The following TRMT11 variants were observed in gnomAD, a reference collection of about 807,000 sequenced individuals.
TRMT11 encodes the protein tRNA methyltransferase 11.
TRMT11 carries 53 observed loss-of-function variants against 62.8 expected under a neutral mutation model. The ratio of observed to expected loss-of-function variants is 0.84; its 90% CI spans 0.68 to 1.06. The LOEUF (loss-of-function observed/expected upper bound fraction) is 1.06. TRMT11 is among the 50% of genes least tolerant of loss of function. The probability of loss-of-function intolerance (pLI) is 0.00; values close to 1 mark genes in which losing one functional copy is unlikely to be tolerated. For missense variants in TRMT11, 556 were observed against 553.4 expected (o/e 1.00, Z -0.05); for synonymous variants, 188 against 190.3 (o/e 0.99, Z 0.10).
chr6:125,993,065 G>A (rs1264798346), intron 1 of TRMT11, among the ~76,000 whole-genome samples: 1 of 152,076 alleles, frequency 6.6e-6, no homozygotes, highest in African/African-American at 2.4e-5. Context: ...GCCAGCAGTG[G>A]AACACTTACC....
intron 12 of TRMT11, 130 bp downstream of exon 12, chr6:126,021,410 A>C (rs1795791521): frequency 8.9e-7 from 1 of 1,127,050 alleles, no homozygotes; most frequent in Non-Finnish European, 1.2e-6. Flanking sequence ...TCAATTTAGG[A>C]AGAGGCAGAA....
intron 21 of TRMT11, among the ~76,000 whole-genome samples, chr6:126,149,222 A>G (rs1026794772): frequency 5.4e-4 from 82 of 152,348 alleles, no homozygotes; most frequent in East Asian, 7.7e-4. Context: ...ACGGCTGGCT[A>G]AGCAGTTGCA....
intron 17 of TRMT11, among the ~76,000 whole-genome samples, chr6:126,056,873 G>A (rs941805026): frequency 5.9e-5 from 9 of 152,166 alleles, no homozygotes; most frequent in Non-Finnish European, 1.0e-4. Flanking sequence ...CGGTGATAAC[G>A]TGGCTTTCAC....
intron 17 of TRMT11, among the ~76,000 whole-genome samples, chr6:126,092,914 C>A (rs1777293759): frequency 6.6e-6 from 1 of 152,154 alleles, no homozygotes. Context: ...TTGATGGAGA[C>A]AAATGACACA....
intron 1 of TRMT11, among the ~76,000 whole-genome samples, chr6:126,196,165 G>T (rs1778664476): frequency 6.6e-6 from 1 of 152,134 alleles, no homozygotes; most frequent in Non-Finnish European, 1.5e-5. Context: ...AAACTATCCA[G>T]GTGGTAAATA....
chr6:126,040,579 C>G (rs753510924), downstream of TRMT11, among the ~76,000 whole-genome samples: 2 of 152,034 alleles, frequency 1.3e-5, no homozygotes, highest in Admixed American at 6.6e-5. Flanking sequence ...CAGGATTGCT[C>G]TGGTTTTCTA....
At chr6:126,109,729 A>C (rs991148537) in intron 17 of TRMT11, among the ~76,000 whole-genome samples, 1 of 152,210 alleles carries the variant, frequency 6.6e-6, no homozygotes, top group African/African-American at 2.4e-5. Flanking sequence ...GGTGCCTGGC[A>C]CATACATTTA....
At chr6:126,200,879 ACTCAT>A (rs1170958852) in intron 3 of TRMT11, among the ~76,000 whole-genome samples, 1 of 152,136 alleles carries the variant, frequency 6.6e-6, no homozygotes, top group African/African-American at 2.4e-5. Context: ...ATAAAGGCTG[ACTCAT>A]CATTGGCCTG....
At chr6:126,110,852 G>GAC (rs1391191000) in intron 17 of TRMT11, among the ~76,000 whole-genome samples, 2 of 152,128 alleles carry the variant, frequency 1.3e-5, no homozygotes, top group African/African-American at 4.8e-5. Flanking sequence ...CCCCTGGACA[G>GAC]ACCCTGGAAC....
chr6:126,229,593 C>T, the TRMT11 span, among the ~76,000 whole-genome samples: 2 of 152,162 alleles, frequency 1.3e-5, no homozygotes, highest in East Asian at 3.8e-4. Context: ...CCTTGAAGTA[C>T]AAAAGATTTT....
At chr6:126,070,811 G>C (rs1776829225) in intron 17 of TRMT11, among the ~76,000 whole-genome samples, 1 of 152,186 alleles carries the variant, frequency 6.6e-6, no homozygotes, top group Admixed American at 6.5e-5. Context: ...GTCAGTAGTA[G>C]TATTCACCAT....
In TRMT11 at chr6:126,130,386, C is replaced by A. The variant is rs184496538; in HGVS notation, c.*1823+14531C>A. On this transcript the variant is annotated intron_variant and NMD_transcript_variant, in intron 21 of 22. Transcript: ENST00000648977. ...TTTTATATATGTAATATCGTTTAAT[C>A]CTTCATCACTATTATTTGATTTAAT... 1.4e-4 allele frequency among the ~76,000 whole-genome samples: 22 copies of A among 152,092 alleles called. No homozygotes were observed. In the East Asian group the frequency reaches 4.3e-3, roughly 29 times the overall value.
intron 17 of TRMT11, among the ~76,000 whole-genome samples, chr6:126,074,008 AG>A (rs1320637297): frequency 6.6e-6 from 1 of 152,140 alleles, no homozygotes; most frequent in Non-Finnish European, 1.5e-5. Context: ...GAACAGCATG[AG>A]GGTAACTGCC....
At chr6:126,184,674 T>C (rs1256392064) in intron 1 of TRMT11, among the ~76,000 whole-genome samples, 4 of 152,258 alleles carry the variant, frequency 2.6e-5, no homozygotes, top group Non-Finnish European at 4.4e-5. Context: ...TCAGACCTTC[T>C]TGGGCTCCCT....
At chr6:126,075,386 G>C (rs1178000429) in intron 17 of TRMT11, among the ~76,000 whole-genome samples, 1 of 152,028 alleles carries the variant, frequency 6.6e-6, no homozygotes. Context: ...GGTGGGAGGT[G>C]ATTGGATCAT....
At chr6:126,104,677 T>C (rs1283205283) in intron 17 of TRMT11, among the ~76,000 whole-genome samples, 3 of 152,236 alleles carry the variant, frequency 2.0e-5, no homozygotes, top group Non-Finnish European at 2.9e-5. Context: ...TAGGTCAAAT[T>C]TGCAGGAAGC....
rs1777982350 is a variant in TRMT11, at chr6:126,147,029, T to G, written c.*1824-27796T>G. 4.8e-5 allele frequency among the ~76,000 whole-genome samples: 2 copies of G among 41,892 alleles called. 1 individual carries two copies. Among genetic ancestry groups the G allele is most frequent in the African/African-American group, 2.2e-4 (2 of 8,934 alleles). 27.5% of individuals were successfully genotyped at this position (41,892 alleles called of 152,430 possible). On this transcript the variant is annotated intron_variant and NMD_transcript_variant, in intron 21 of 22. Transcript: ENST00000648977. ...GATGGTCATATTTTCAATTGTAGGC[T>G]CTCAGGTTAAGGAAAGATTTAAGCA...
At chr6:126,054,152 GA>G (rs1776300776) in intron 17 of TRMT11, among the ~76,000 whole-genome samples, 1 of 152,190 alleles carries the variant, frequency 6.6e-6, no homozygotes, top group African/African-American at 2.4e-5. Context: ...GGCTCTTTGG[GA>G]AGTTTTAATT....
At chr6:126,124,296 C>T (rs1225148693) in intron 21 of TRMT11, among the ~76,000 whole-genome samples, 2 of 152,016 alleles carry the variant, frequency 1.3e-5, no homozygotes, top group African/African-American at 4.8e-5. Flanking sequence ...TTCTATCTGG[C>T]TGGTCTTAGG....
Sources: allele counts gnomAD v4.1 joint callset (sites outside exome capture counted in the v4.1 genomes callset), GRCh38; gene constraint gnomAD v4.1.1; transcripts MANE v1.5; gene names NCBI Gene and HGNC (gene_info 2026-07-23, HGNC 2026-07-21).